Variants in LYPLAL1 observed in about 807,000 individuals in gnomAD.
LYPLAL1 encodes lysophospholipase like 1, also known as lysophospholipase-like protein 1.
LYPLAL1 carries 23 observed loss-of-function variants against 19.7 expected under a neutral mutation model. The ratio of observed to expected loss-of-function variants is 1.17; its 90% CI spans 0.84 to 1.65. The LOEUF (loss-of-function observed/expected upper bound fraction) is 1.65, where lower values mean the gene tolerates loss of function less well. Ranked by LOEUF, LYPLAL1 falls within the 40% of genes most tolerant of loss-of-function variation. The pLI, the probability that LYPLAL1 is intolerant of heterozygous loss-of-function variation, is 0.00. For synonymous variants in LYPLAL1, 119 were observed against 96.3 expected, an observed-to-expected ratio of 1.24 and a Z score of -1.38; for missense variants, 355 against 279.4, an observed-to-expected ratio of 1.27 and a Z score of -1.93.
At chr1:219,242,375 C>T in the LYPLAL1 span, among the ~76,000 whole-genome samples, 1 of 152,226 alleles carries the variant, frequency 6.6e-6, no homozygotes, top group East Asian at 1.9e-4. Flanking sequence ...TCCAAGGAGA[C>T]CAGGAAGAAC....
At chr1:219,387,149 A>G in the LYPLAL1 span, among the ~76,000 whole-genome samples, 3 of 152,260 alleles carry the variant, frequency 2.0e-5, no homozygotes, top group African/African-American at 4.8e-5. Flanking sequence ...CTGTCCAAAT[A>G]TAACATTTTA....
chr1:219,365,518 G>C, the LYPLAL1 span, among the ~76,000 whole-genome samples: 2 of 152,100 alleles, frequency 1.3e-5, no homozygotes, highest in East Asian at 3.9e-4. Context: ...TGCATGAATA[G>C]CCTTGGATCA....
At chr1:219,341,461 G>T in the LYPLAL1 span, among the ~76,000 whole-genome samples, 211 of 152,060 alleles carry the variant, frequency 1.4e-3, 4 homozygotes, top group South Asian at 0.04. Context: ...TTCAGAAAAG[G>T]TTCAATTTTA....
chr1:219,405,172 G>C, the LYPLAL1 span, among the ~76,000 whole-genome samples: 5 of 152,266 alleles, frequency 3.3e-5, no homozygotes, highest in African/African-American at 9.6e-5. Context: ...AACAGTTAAA[G>C]GTAAATTCTC....
At chr1:219,300,530 C>CTTTTTTT in the LYPLAL1 span, among the ~76,000 whole-genome samples, 8 of 81,972 alleles carry the variant, frequency 9.8e-5, no homozygotes, top group East Asian at 3.5e-4. Flanking sequence ...TTTATCCTAA[C>CTTTTTTT]TTTTTTTTTT....
At chr1:219,184,601 C>G (rs187925150) in intron 2 of LYPLAL1, among the ~76,000 whole-genome samples, 1 of 151,652 alleles carries the variant, frequency 6.6e-6, no homozygotes, top group Non-Finnish European at 1.5e-5. Context: ...TGTATATATG[C>G]CTTTTTTTTA....
the LYPLAL1 span, among the ~76,000 whole-genome samples, chr1:219,401,354 T>TTTTTTTTTTTTTTTTTTGA: frequency 6.7e-6 from 1 of 149,758 alleles, no homozygotes; most frequent in African/African-American, 2.4e-5. Flanking sequence ...TTTTTTTAAT[T>TTTTTTTTTTTTTTTTTTGA]GCCACTTAAC....
the LYPLAL1 span, among the ~76,000 whole-genome samples, chr1:219,306,662 A>C: frequency 3.3e-5 from 5 of 151,550 alleles, no homozygotes; most frequent in African/African-American, 1.2e-4. Flanking sequence ...GCTTATGTAG[A>C]TATTGGGGCT....
At chr1:219,179,109 A>C in intron 1 of LYPLAL1, 38 bp from the exon 2 acceptor site, 1 of 1,433,436 alleles carries the variant, frequency 7.0e-7, no homozygotes, top group Non-Finnish European at 9.6e-7. Flanking sequence ...TTGTATTACT[A>C]AAATATTTAT....
At chr1:219,331,384 G>T in the LYPLAL1 span, among the ~76,000 whole-genome samples, 3 of 152,126 alleles carry the variant, frequency 2.0e-5, no homozygotes, top group Non-Finnish European at 4.4e-5. Flanking sequence ...TGCAGATTAG[G>T]TGGAGGTTGG....
the LYPLAL1 span, among the ~76,000 whole-genome samples, chr1:219,311,751 G>T: frequency 3.9e-5 from 6 of 152,010 alleles, no homozygotes; most frequent in African/African-American, 9.7e-5. Flanking sequence ...TTGAATATAC[G>T]CATAATCCAA....
chr1:219,370,154 G>A, the LYPLAL1 span, among the ~76,000 whole-genome samples: 1 of 152,160 alleles, frequency 6.6e-6, no homozygotes, highest in African/African-American at 2.4e-5. Flanking sequence ...AGCAACTCTT[G>A]TAAAAAATAC....
the LYPLAL1 span, among the ~76,000 whole-genome samples, chr1:219,338,144 A>G: frequency 6.6e-6 from 1 of 152,016 alleles, no homozygotes; most frequent in Non-Finnish European, 1.5e-5. Context: ...TGCAACCTAG[A>G]CCGAAGCCAA....
At chr1:219,276,842 A>G in the LYPLAL1 span, among the ~76,000 whole-genome samples, 1 of 152,186 alleles carries the variant, frequency 6.6e-6, no homozygotes. Context: ...TTCTTTATGA[A>G]GAATTACAAG....
At chr1:219,296,077 T>C in the LYPLAL1 span, among the ~76,000 whole-genome samples, 1 of 152,204 alleles carries the variant, frequency 6.6e-6, no homozygotes, top group African/African-American at 2.4e-5. Flanking sequence ...AATTAATGCA[T>C]ACATGGTGAA....
the LYPLAL1 span, among the ~76,000 whole-genome samples, chr1:219,350,741 C>T: frequency 1.3e-5 from 2 of 152,168 alleles, no homozygotes; most frequent in East Asian, 1.9e-4. Context: ...AAGTAGCATG[C>T]ACTTAACCCA....
the LYPLAL1 span, among the ~76,000 whole-genome samples, chr1:219,226,020 A>G: frequency 6.6e-6 from 1 of 152,214 alleles, no homozygotes; most frequent in Non-Finnish European, 1.5e-5. Context: ...GTTTTGAGTG[A>G]CGCAATGCCT....
the LYPLAL1 span, among the ~76,000 whole-genome samples, chr1:219,430,341 A>G: frequency 6.6e-6 from 1 of 151,126 alleles, no homozygotes; most frequent in African/African-American, 2.4e-5. Flanking sequence ...TCCAGATTCA[A>G]TTCTGTGTTT....
the LYPLAL1 span, among the ~76,000 whole-genome samples, chr1:219,403,763 C>A: frequency 1.3e-5 from 2 of 152,120 alleles, no homozygotes; most frequent in African/African-American, 2.4e-5. Flanking sequence ...AATTTAAGAA[C>A]CTCAATCTGA....
Sources: allele counts gnomAD v4.1 joint callset (sites outside exome capture counted in the v4.1 genomes callset), GRCh38; gene constraint gnomAD v4.1.1; transcripts MANE v1.5; gene names NCBI Gene and HGNC (gene_info 2026-07-23, HGNC 2026-07-21).